Variants in PLEKHH2 observed in about 807,000 individuals in gnomAD.
PLEKHH2 encodes pleckstrin homology domain-containing family H member 2.
A neutral mutation model predicts 187.9 loss-of-function variants in PLEKHH2; 129 were observed. The observed-to-expected ratio is 0.69, with a 90% CI of 0.59 to 0.79. The LOEUF (loss-of-function observed/expected upper bound fraction) is 0.79. PLEKHH2 is among the 30% of genes least tolerant of loss of function. The probability of loss-of-function intolerance (pLI) is 0.00; values close to 1 mark genes in which losing one functional copy is unlikely to be tolerated. For missense variants in PLEKHH2, 2,076 were observed against 1,751.2 expected (o/e 1.19, Z -3.31); for synonymous variants, 686 against 605.6 (o/e 1.13, Z -1.95).
At chr2:43,675,285 G>T in intron 2 of PLEKHH2, 1 of 741,966 alleles carries the variant, frequency 1.3e-6, no homozygotes, top group Non-Finnish European at 2.1e-6. Flanking sequence ...ATTGAATGAA[G>T]TACGTATTTT....
rs1262815253 is a variant in PLEKHH2 at position 43,637,276 on chromosome 2, C to T, written c.-107C>T. ...GGTGCCCTTCCCCGCCCTCTCCGAG[C>T]TCGGCTTGAGGCGGGCGCGGGCTGA... On this transcript the variant is annotated 5_prime_UTR_variant, in exon 1 of 30. Coordinates refer to ENST00000282406, the MANE Select transcript of PLEKHH2 (RefSeq NM_172069.4). The T allele has an allele frequency of 6.6e-6, 1 of 152,326 alleles. No homozygotes were observed. Among genetic ancestry groups the T allele is most frequent in the Admixed American group, 6.5e-5 (1 of 15,292 alleles). 9.4% of individuals were successfully genotyped at this position (152,326 alleles called of 1,614,324 possible). A position where few individuals can be genotyped will look rare whatever the true frequency, so the allele number is the denominator to read the frequency against.
chr2:43,709,952 A>G (rs199498876), intron 11 of PLEKHH2, 38 bp from the exon 12 acceptor site: 10 of 1,572,452 alleles, frequency 6.4e-6, no homozygotes, highest in African/African-American at 1.4e-5. Context: ...CCTCCCCAGT[A>G]TTAAATACTG....
Position 43,742,775 on chromosome 2 carries a change from C to A in PLEKHH2, c.3256C>A (p.Arg1086Ser), listed in dbSNP as rs765269949. 1 of 1,596,440 alleles carries A rather than the reference C, an allele frequency of 6.3e-7. No individual in the cohort carries two copies. Among genetic ancestry groups the A allele is most frequent in the Non-Finnish European group, 8.5e-7 (1 of 1,173,678 alleles). The change falls in exon 22 of 30, where the codon CGT becomes AGT. Residue 1086 changes from arginine (R) to serine (S), a missense_variant. By Grantham distance (110) the Arg-to-Ser change is moderately radical. Transcript: ENST00000282406. ...TGGAAAATATGCCATTTACTGCCAG[C>A]GTTGTGTAGAAAGAACGCAACAAAA... ...EFGKYAIYCQ[R>S]CVERTQQNGD...
chr2:43,742,477 A>G (rs1387578175), intron 21 of PLEKHH2, among the ~76,000 whole-genome samples: 2 of 152,078 alleles, frequency 1.3e-5, no homozygotes, highest in Admixed American at 1.3e-4. Context: ...GTGACTGGTA[A>G]TTTTAAATTC....
intron 6 of PLEKHH2, 59 bp downstream of exon 6, chr2:43,695,283 T>C: frequency 2.2e-6 from 2 of 926,496 alleles, no homozygotes; most frequent in Non-Finnish European, 3.1e-6. Context: ...AGGCTTTTAC[T>C]TTTTTTGATG....
chr2:43,675,999 C>T lies in PLEKHH2; in HGVS notation c.124-2864C>T, dbSNP rs141820844. 1.7e-5 allele frequency: 27 copies of T among 1,614,010 alleles called. No individual in the cohort carries two copies. In the African/African-American group the frequency reaches 2.9e-4, roughly 18 times the overall value. On this transcript the variant is annotated intron_variant, in intron 2 of 29. Transcript: ENST00000282406. Reference sequence around the variant, plus strand: ...ACCTGTCATTACTTTCTATATTGAACAAATTATCATTTTTAGTATCGTAGA... The same window carrying T: ...ACCTGTCATTACTTTCTATATTGAATAAATTATCATTTTTAGTATCGTAGA...
At position 43,722,297 on chromosome 2, in the gene PLEKHH2, C is replaced by T. The variant is rs557477876; in HGVS notation, c.2541+1548C>T. Among the ~76,000 whole-genome samples, 6 of 150,462 alleles carry T rather than the reference C, an allele frequency of 4.0e-5. No homozygotes were observed. In the East Asian group the frequency reaches 5.8e-4, roughly 15 times the overall value. On this transcript the variant is annotated intron_variant, in intron 16 of 29. Coordinates refer to ENST00000282406, the MANE Select transcript of PLEKHH2 (RefSeq NM_172069.4). ...ATGTTAATATAGAATTGTGGACATA[C>T]GTAAATATTAGAGAAGTTTTATAAC...
Position 43,763,395 on chromosome 2 carries a change from CATTTTATTTT to C in PLEKHH2, c.4159-819_4159-810del, listed in dbSNP as rs1195773255. 4.6e-5 allele frequency among the ~76,000 whole-genome samples: 7 copies of C among 151,840 alleles called. No individual in the cohort carries two copies. The East Asian group carries it at 7.7e-4, about 17-fold the overall frequency. Reference sequence around the variant, plus strand: ...GTCCTTTCAGGCTGTATATTAGTTACATTTTATTTTATTTTATTTTATTGATTTATTGATT... The same window carrying C: ...GTCCTTTCAGGCTGTATATTAGTTACATTTTATTTTATTGATTTATTGATT... On this transcript the variant is annotated intron_variant, in intron 28 of 29. Transcript: ENST00000282406.
intron 3 of PLEKHH2, among the ~76,000 whole-genome samples, chr2:43,683,820 C>T (rs1668362348): frequency 6.6e-6 from 1 of 151,780 alleles, no homozygotes; most frequent in Non-Finnish European, 1.5e-5. Context: ...CATTGATTAC[C>T]TTGTTTAAAT....
chr2:43,764,728 T>A (rs1438950303), intron 29 of PLEKHH2, among the ~76,000 whole-genome samples: 1 of 152,236 alleles, frequency 6.6e-6, no homozygotes, highest in Non-Finnish European at 1.5e-5. Flanking sequence ...ACACATTATC[T>A]TATTCACTTG....
In PLEKHH2 at chr2:43,757,273, A is replaced by C. The variant is rs1365185763; in HGVS notation, c.3941+9A>C. The C allele has an allele frequency of 1.9e-6, 3 of 1,544,936 alleles. No homozygotes were observed. The highest frequency in any genetic ancestry group is 2.6e-6 in the Non-Finnish European group (3 of 1,152,176). Reference sequence around the variant, plus strand: ...TCTGAAGAGCAGTTAAGGTAAGGAAATCTTTGTAACTCTTTATAGGGTAGG... The same window carrying C: ...TCTGAAGAGCAGTTAAGGTAAGGAACTCTTTGTAACTCTTTATAGGGTAGG... On this transcript the variant is annotated intron_variant, in intron 26 of 29. Transcript: ENST00000282406.
intron 16 of PLEKHH2, among the ~76,000 whole-genome samples, chr2:43,722,935 A>G (rs1670555245): frequency 6.6e-6 from 1 of 152,186 alleles, no homozygotes; most frequent in African/African-American, 2.4e-5. Flanking sequence ...GGCCTACTTC[A>G]TTTTTTGCTA....
chr2:43,642,170 C>T (rs1367677300), intron 1 of PLEKHH2, among the ~76,000 whole-genome samples: 1 of 152,144 alleles, frequency 6.6e-6, no homozygotes, highest in East Asian at 1.9e-4. Context: ...TTGTAGTTTT[C>T]AGTGCACACA....
Position 43,704,145 on chromosome 2 carries a change from A to G in PLEKHH2, c.1726+89A>G, listed in dbSNP as rs1364540299. 7.7e-6 allele frequency: 7 copies of G among 906,748 alleles called. No homozygotes were observed. In the East Asian group the frequency reaches 1.7e-4, roughly 23 times the overall value. The allele number at this position is 906,748 out of a possible 1,614,324, so 56.2% of individuals were successfully genotyped here. ...AATACAAATACATGGTACAGTCACAAAAAGACAAATACTGTATGATTCCAC... is the reference window on the plus strand; with the variant it reads ...AATACAAATACATGGTACAGTCACAGAAAGACAAATACTGTATGATTCCAC... On this transcript the variant is annotated intron_variant, in intron 9 of 29. Coordinates refer to ENST00000282406, the MANE Select transcript of PLEKHH2 (RefSeq NM_172069.4).
At position 43,678,759 on chromosome 2, in the gene PLEKHH2, G is replaced by C. The variant is rs12712895; in HGVS notation, c.124-104G>C. On this transcript the variant is annotated intron_variant, in intron 2 of 29. Coordinates refer to ENST00000282406, the MANE Select transcript of PLEKHH2 (RefSeq NM_172069.4). ...GGAAGTGGAGGTGGAGGTGGAGGTG[G>C]AGGTGGAGGTGGAGGTAGAATTATG... 3.9e-3 allele frequency: 2,655 copies of C among 677,910 alleles called. 8 individuals are homozygous for C. Among genetic ancestry groups the C allele is most frequent in the Non-Finnish European group, 5.1e-3 (1,950 of 381,132 alleles). 42.0% of individuals were successfully genotyped at this position (677,910 alleles called of 1,614,324 possible). A position where few individuals can be genotyped will look rare whatever the true frequency, so the allele number is the denominator to read the frequency against.
At chr2:43,706,821 A>G (rs1669680733) in intron 10 of PLEKHH2, among the ~76,000 whole-genome samples, 4 of 152,230 alleles carry the variant, frequency 2.6e-5, no homozygotes, top group South Asian at 4.1e-4. Context: ...ATTTTCAGGC[A>G]TCTTTTATAA....
At chr2:43,676,179 A>T in intron 2 of PLEKHH2, 1 of 1,614,044 alleles carries the variant, frequency 6.2e-7, no homozygotes, top group South Asian at 1.1e-5. Flanking sequence ...CGTTCCTGTT[A>T]GGTGGACGAA....
At chr2:43,715,597 G>A (rs1352855861) in intron 15 of PLEKHH2, among the ~76,000 whole-genome samples, 1 of 152,194 alleles carries the variant, frequency 6.6e-6, no homozygotes, top group Non-Finnish European at 1.5e-5. Context: ...GAAAAGAGAG[G>A]AGAGGATGAA....
intron 16 of PLEKHH2, among the ~76,000 whole-genome samples, chr2:43,721,569 T>A (rs944614004): frequency 6.6e-6 from 1 of 152,118 alleles, no homozygotes; most frequent in African/African-American, 2.4e-5. Context: ...GGGGTAGAGA[T>A]TAACGCAGTA....
Sources: gnomAD v4.1 joint callset for allele counts (sites outside exome capture counted in the v4.1 genomes callset) on GRCh38, gnomAD v4.1.1 for gene constraint, MANE v1.5 for transcripts, NCBI Gene and HGNC (gene_info 2026-07-23, HGNC 2026-07-21) for gene names.